The following VAV3 variants were observed in gnomAD, a reference collection of about 807,000 sequenced individuals.
VAV3 encodes guanine nucleotide exchange factor VAV3.
Under a neutral mutation model 131.2 loss-of-function variants are expected in VAV3, and 94 were observed. That is an observed-to-expected ratio of 0.72 (90% CI 0.61 to 0.85). The LOEUF is 0.85. Among genes scored for constraint, VAV3 ranks in the 40% least tolerant of loss-of-function variants. VAV3 has a pLI of 0.00. For synonymous variants in VAV3, 349 were observed against 342.0 expected (o/e 1.02, Z -0.22); for missense variants, 939 against 1,002.7 (o/e 0.94, Z 0.86).
At chr1:107,719,682 C>T (rs948291857) in intron 15 of VAV3, among the ~76,000 whole-genome samples, 5 of 152,160 alleles carry the variant, frequency 3.3e-5, no homozygotes, top group African/African-American at 1.2e-4. Flanking sequence ...CTAGAAATAC[C>T]ATTTGACCCA....
chr1:107,942,437 C>G (rs1674043465), intron 1 of VAV3, among the ~76,000 whole-genome samples: 1 of 152,176 alleles, frequency 6.6e-6, no homozygotes, highest in Admixed American at 6.5e-5. Flanking sequence ...TAAAGGGACA[C>G]TTGGCAACAT....
At chr1:107,634,222 T>C (rs562423298) in intron 20 of VAV3, among the ~76,000 whole-genome samples, 3 of 152,172 alleles carry the variant, frequency 2.0e-5, no homozygotes, top group South Asian at 2.1e-4. Context: ...CTTCAAACTA[T>C]ACTACAAGGC....
chr1:107,687,542 G>A (rs1659118871), intron 18 of VAV3, among the ~76,000 whole-genome samples: 1 of 152,024 alleles, frequency 6.6e-6, no homozygotes, highest in Admixed American at 6.6e-5. Flanking sequence ...TTCTAAAAAT[G>A]TTTTGCTATG....
intron 15 of VAV3, among the ~76,000 whole-genome samples, chr1:107,713,466 C>T (rs905573015): frequency 7.3e-5 from 11 of 151,420 alleles, no homozygotes; most frequent in Admixed American, 1.3e-4. Context: ...ATTGAAAGTC[C>T]ATAAGAAAAA....
chr1:107,826,994 TA>T (rs1668045951), intron 2 of VAV3, among the ~76,000 whole-genome samples: 1 of 152,186 alleles, frequency 6.6e-6, no homozygotes, highest in Non-Finnish European at 1.5e-5. Flanking sequence ...CTTATAAAAA[TA>T]TTTAGTAAAA....
intron 1 of VAV3, among the ~76,000 whole-genome samples, chr1:107,922,878 G>C (rs1672973502): frequency 1.3e-5 from 2 of 151,734 alleles, no homozygotes; most frequent in African/African-American, 4.8e-5. Flanking sequence ...CGTGAACCCG[G>C]GAGGCGGAGC....
chr1:107,728,302 G>A (rs1661976156), intron 15 of VAV3, among the ~76,000 whole-genome samples: 1 of 151,996 alleles, frequency 6.6e-6, no homozygotes, highest in Non-Finnish European at 1.5e-5. Context: ...GAATCACCAG[G>A]GATTAAAGGA....
At chr1:107,805,072 C>A (rs964028377) in intron 2 of VAV3, among the ~76,000 whole-genome samples, 4 of 151,860 alleles carry the variant, frequency 2.6e-5, no homozygotes, top group Non-Finnish European at 4.4e-5. Flanking sequence ...TGCTTCTTTT[C>A]TCTTTCTGCT....
chr1:107,927,477 T>C (rs1222153341), intron 1 of VAV3, among the ~76,000 whole-genome samples: 1 of 150,694 alleles, frequency 6.6e-6, no homozygotes, highest in Non-Finnish European at 1.5e-5. Flanking sequence ...CAGGGGGATA[T>C]AGTACCAAGT....
chr1:107,884,594 C>A (rs1670942906), intron 1 of VAV3, among the ~76,000 whole-genome samples: 1 of 151,406 alleles, frequency 6.6e-6, no homozygotes, highest in Non-Finnish European at 1.5e-5. Context: ...TACAGGCAGG[C>A]ACCACCATGC....
intron 1 of VAV3, among the ~76,000 whole-genome samples, chr1:107,913,528 G>C (rs940282880): frequency 6.6e-6 from 1 of 152,168 alleles, no homozygotes; most frequent in Non-Finnish European, 1.5e-5. Flanking sequence ...TGAGGCAAAA[G>C]GAAGGAAATG....
chr1:107,866,737 C>G (rs1003819484), intron 2 of VAV3, among the ~76,000 whole-genome samples: 1 of 143,432 alleles, frequency 7.0e-6, no homozygotes, highest in Non-Finnish European at 1.5e-5. Flanking sequence ...GCAGGAGAAT[C>G]ACTTGAACCT....
intron 20 of VAV3, among the ~76,000 whole-genome samples, chr1:107,628,275 T>TA (rs766654781): frequency 7.1e-4 from 108 of 152,030 alleles, no homozygotes; most frequent in Non-Finnish European, 1.3e-3. Context: ...AAAGTATCTG[T>TA]AAAAAAAAGC....
intron 1 of VAV3, among the ~76,000 whole-genome samples, chr1:107,939,904 G>C (rs1279569170): frequency 1.3e-5 from 2 of 152,134 alleles, no homozygotes; most frequent in Admixed American, 1.3e-4. Flanking sequence ...AGACAGGACA[G>C]GTAGAGAATG....
intron 22 of VAV3, chr1:107,609,609 G>T (rs1328209): frequency 0.37 from 80,383 of 216,960 alleles, 15,552 homozygotes; most frequent in Middle Eastern, 0.43. Context: ...GACAATGAAA[G>T]CATATTTTTC....
rs938547598 is a variant in VAV3, at chr1:107,802,251, T to G, written c.322-22759A>C. 2.0e-5 allele frequency among the ~76,000 whole-genome samples: 3 copies of G among 152,060 alleles called. No homozygotes were observed. In the East Asian group the frequency reaches 5.8e-4, roughly 29 times the overall value. On this transcript the variant is annotated intron_variant, in intron 2 of 26. Coordinates refer to ENST00000370056, the MANE Select transcript of VAV3 (RefSeq NM_006113.5). Reference sequence around the variant, plus strand: ...TTTTTTTGTTCTAACAGGGTTTTTTTTGTGGACTCTTTAGATTTTTCTAAA... The same window carrying G: ...TTTTTTTGTTCTAACAGGGTTTTTTGTGTGGACTCTTTAGATTTTTCTAAA...
At chr1:107,749,872 C>T (rs373443694) in intron 13 of VAV3, among the ~76,000 whole-genome samples, 2 of 152,084 alleles carry the variant, frequency 1.3e-5, no homozygotes, top group African/African-American at 4.8e-5. Flanking sequence ...GTTGAAAGGG[C>T]CAAGTGAGAT....
chr1:107,878,690 C>T (rs1446616995), intron 1 of VAV3, among the ~76,000 whole-genome samples: 1 of 152,052 alleles, frequency 6.6e-6, no homozygotes, highest in African/African-American at 2.4e-5. Flanking sequence ...TAGGGTGTCC[C>T]ATCATTACTG....
At chr1:107,769,646 C>T (rs1232459756) in intron 6 of VAV3, among the ~76,000 whole-genome samples, 6 of 152,172 alleles carry the variant, frequency 3.9e-5, no homozygotes, top group African/African-American at 1.4e-4. Context: ...ATATACCTAA[C>T]ACCTTTCTCA....
Sources: gnomAD v4.1 joint callset for allele counts (sites outside exome capture counted in the v4.1 genomes callset) on GRCh38, gnomAD v4.1.1 for gene constraint, MANE v1.5 for transcripts, NCBI Gene and HGNC (gene_info 2026-07-23, HGNC 2026-07-21) for gene names.